The following LDB2 variants were observed in gnomAD, a reference collection of about 807,000 sequenced individuals.
LDB2 encodes the protein LIM domain binding 2.
A neutral mutation model predicts 44.3 loss-of-function variants in LDB2; 12 were observed. That is an observed-to-expected ratio of 0.27 (90% CI 0.17 to 0.44). The LOEUF is 0.44. Ranked by LOEUF, LDB2 falls within the 20% of genes least tolerant of loss-of-function variation. LDB2 has a pLI of 1.00. For synonymous variants in LDB2, 164 were observed against 174.8 expected, an observed-to-expected ratio of 0.94 and a Z score of 0.49; for missense variants, 344 against 473.5, an observed-to-expected ratio of 0.73 and a Z score of 2.54.
intron 1 of LDB2, among the ~76,000 whole-genome samples, chr4:16,861,836 T>C (rs1218536065): frequency 6.6e-6 from 1 of 152,170 alleles, no homozygotes; most frequent in African/African-American, 2.4e-5. Context: ...GCCATTCCTG[T>C]CTTCTCAAAT....
chr4:16,759,925 G>A (rs1767529128), intron 1 of LDB2, among the ~76,000 whole-genome samples: 1 of 152,140 alleles, frequency 6.6e-6, no homozygotes, highest in South Asian at 2.1e-4. Flanking sequence ...TATGAATTCT[G>A]TTTGTTTGTT....
At chr4:16,704,132 C>T (rs1005892830) in intron 2 of LDB2, among the ~76,000 whole-genome samples, 25 of 152,120 alleles carry the variant, frequency 1.6e-4, no homozygotes, top group African/African-American at 5.6e-4. Context: ...AGCACTGATG[C>T]CTGAGAAAGT....
chr4:16,831,037 T>C (rs546559820), intron 1 of LDB2, among the ~76,000 whole-genome samples: 2 of 152,260 alleles, frequency 1.3e-5, no homozygotes, highest in South Asian at 4.1e-4. Context: ...ATGGAATCTA[T>C]TATTGAGCAA....
chr4:16,527,034 T>C (rs1017058816), intron 5 of LDB2, among the ~76,000 whole-genome samples: 2 of 152,346 alleles, frequency 1.3e-5, no homozygotes, highest in East Asian at 3.9e-4. Context: ...AAACAATAAC[T>C]TATTAAAGTA....
chr4:16,853,488 G>A (rs1030183533), intron 1 of LDB2, among the ~76,000 whole-genome samples: 2 of 152,166 alleles, frequency 1.3e-5, no homozygotes, highest in Non-Finnish European at 2.9e-5. Context: ...GATAAATGGT[G>A]AGGATGTGGA....
chr4:16,746,832 A>G (rs911912395), intron 2 of LDB2, among the ~76,000 whole-genome samples: 1 of 152,064 alleles, frequency 6.6e-6, no homozygotes, highest in Non-Finnish European at 1.5e-5. Context: ...AGGAAGTGAA[A>G]TGTAATCATA....
At position 16,595,862 on chromosome 4, in the gene LDB2, G is replaced by C. The variant is rs774944784; in HGVS notation, c.249C>G (p.Thr83=). The C allele has an allele frequency of 1.2e-6, 2 of 1,612,662 alleles. No individual in the cohort carries two copies. Among genetic ancestry groups the C allele is most frequent in the African/African-American group, 2.7e-5 (2 of 74,772 alleles). Residue 83 remains threonine (T), a synonymous_variant, in exon 3 of 8, where the codon ACC becomes ACG. Coordinates refer to ENST00000304523, the MANE Select transcript of LDB2 (RefSeq NM_001290.5). ...CAGTGCTAAAGTAACGGGGGATGAG[G>C]GTCCTGCCGATAGCTGGGAGAGAAA... ...DGPKRYTIGR[T]LIPRYFSTVF...
chr4:16,828,101 C>T (rs1295907151), intron 1 of LDB2, among the ~76,000 whole-genome samples: 2 of 152,150 alleles, frequency 1.3e-5, no homozygotes, highest in Admixed American at 1.3e-4. Flanking sequence ...CTGCTCTCCT[C>T]GCTCTCCAAT....
rs530966682 is a variant in LDB2 at position 16,751,221 on chromosome 4, G to A, written c.235+7937C>T. Among the ~76,000 whole-genome samples, 14 of 152,192 alleles carry A rather than the reference G, an allele frequency of 9.2e-5. No individual in the cohort carries two copies. In the South Asian group the frequency reaches 2.7e-3, roughly 29 times the overall value. ...ACAATTGTAACCCCCTAAGAGAAGAGCTAACAACCACCTCAGATTTCATAA... is the reference window on the plus strand; with the variant it reads ...ACAATTGTAACCCCCTAAGAGAAGAACTAACAACCACCTCAGATTTCATAA... On this transcript the variant is annotated intron_variant, in intron 2 of 7. Coordinates refer to ENST00000304523, the MANE Select transcript of LDB2 (RefSeq NM_001290.5).
chr4:16,734,424 T>A (rs1761414511), intron 2 of LDB2, among the ~76,000 whole-genome samples: 1 of 152,210 alleles, frequency 6.6e-6, no homozygotes, highest in African/African-American at 2.4e-5. Context: ...GGAATCTCTG[T>A]TCCCTGGAAC....
intron 2 of LDB2, among the ~76,000 whole-genome samples, chr4:16,751,710 T>G (rs982577138): frequency 2.6e-5 from 4 of 152,242 alleles, no homozygotes; most frequent in African/African-American, 9.6e-5. Context: ...TGTGATGAAC[T>G]GTCTTTCTCC....
intron 1 of LDB2, among the ~76,000 whole-genome samples, chr4:16,880,014 G>A (rs564564236): frequency 1.3e-5 from 2 of 152,230 alleles, no homozygotes; most frequent in African/African-American, 2.4e-5. Context: ...TATGCCAGAC[G>A]TGTTTGCTTG....
rs376959761 is a variant in LDB2, at chr4:16,827,237, CG to C, written c.133-67978del. Among the ~76,000 whole-genome samples the C allele has an allele frequency of 3.1e-4, 47 of 152,212 alleles. No homozygotes were observed. The Middle Eastern group carries it at 0.01, about 33-fold the overall frequency. ...CATCAGCAGAGAAGGCAGCTCCACT[CG>C]GGGCAGCATTGCAGAGACAGCAGGA... On this transcript the variant is annotated intron_variant, in intron 1 of 7. Coordinates refer to ENST00000304523, the MANE Select transcript of LDB2 (RefSeq NM_001290.5).
At chr4:16,791,273 A>G (rs1348981777) in intron 1 of LDB2, among the ~76,000 whole-genome samples, 4 of 152,166 alleles carry the variant, frequency 2.6e-5, no homozygotes, top group Non-Finnish European at 5.9e-5. Flanking sequence ...AACAACAAAA[A>G]CGGCTGGGCG....
chr4:16,540,827 C>G (rs1389775594), intron 5 of LDB2, among the ~76,000 whole-genome samples: 1 of 152,118 alleles, frequency 6.6e-6, no homozygotes, highest in African/African-American at 2.4e-5. Context: ...GATTCTCTGA[C>G]TTGGGCTTTC....
At chr4:16,522,855 G>T (rs1187601051) in intron 5 of LDB2, among the ~76,000 whole-genome samples, 3 of 152,148 alleles carry the variant, frequency 2.0e-5, no homozygotes, top group Admixed American at 2.0e-4. Flanking sequence ...AAAGAAAGAG[G>T]AATCATCTGC....
rs34411088 is a variant in LDB2, at chr4:16,672,885, CT to C, written c.236-77011del. Among the ~76,000 whole-genome samples, 280 of 146,438 alleles carry C rather than the reference CT, an allele frequency of 1.9e-3. 1 individual carries two copies. The highest frequency in any genetic ancestry group is 0.014 in the South Asian group (67 of 4,650). On this transcript the variant is annotated intron_variant, in intron 2 of 7. Transcript: ENST00000304523. ...CCTCCCTCTCTTTCTTCCTTCCTTCCTTTTTTTTCCTTCCCCCTCTCCTTAT... is the reference window on the plus strand; with the variant it reads ...CCTCCCTCTCTTTCTTCCTTCCTTCCTTTTTTTCCTTCCCCCTCTCCTTAT...
chr4:16,739,640 ATATACATATG>A lies in LDB2; in HGVS notation c.235+19508_235+19517del, dbSNP rs1561055063. 3.5e-3 allele frequency among the ~76,000 whole-genome samples: 308 copies of A among 88,876 alleles called. 41 individuals carry two copies. Among genetic ancestry groups the A allele is most frequent in the African/African-American group, 0.013 (300 of 22,776 alleles). The allele number at this position is 88,876 out of a possible 152,430, so 58.3% of individuals were successfully genotyped here. ...TATACATGTGTGTGTATATATGTAT[ATATACATATG>A]TGTGTATATATGTATATATACATAT... On this transcript the variant is annotated intron_variant, in intron 2 of 7. Coordinates refer to ENST00000304523, the MANE Select transcript of LDB2 (RefSeq NM_001290.5).
intron 5 of LDB2, among the ~76,000 whole-genome samples, chr4:16,581,100 G>A (rs1246032131): frequency 6.6e-6 from 1 of 152,156 alleles, no homozygotes; most frequent in Non-Finnish European, 1.5e-5. Flanking sequence ...TTGACCCATG[G>A]AGTCCTTCTC....
Sources: gnomAD v4.1 joint callset for allele counts (sites outside exome capture counted in the v4.1 genomes callset) on GRCh38, gnomAD v4.1.1 for gene constraint, MANE v1.5 for transcripts, NCBI Gene and HGNC (gene_info 2026-07-23, HGNC 2026-07-21) for gene names.